GALNT17: variants seen among roughly 807,000 people sequenced by gnomAD.
GALNT17 encodes the protein polypeptide N-acetylgalactosaminyltransferase 17, also known as UDP-GalNAc:polypeptide N-acetylgalactosaminyltransferase-like 3.
In GALNT17, 29 loss-of-function variants were observed where a neutral mutation model predicts 63.7. The ratio of observed to expected loss-of-function variants is 0.46; its 90% CI spans 0.34 to 0.62. The LOEUF (loss-of-function observed/expected upper bound fraction) is 0.62, where lower values mean the gene tolerates loss of function less well. Among genes scored for constraint, GALNT17 ranks in the 20% least tolerant of loss-of-function variants. The probability of loss-of-function intolerance (pLI) is 0.01; values close to 1 mark genes in which losing one functional copy is unlikely to be tolerated. For missense variants in GALNT17, 603 were observed against 799.6 expected (o/e 0.75, Z 2.97); for synonymous variants, 305 against 318.3 (o/e 0.96, Z 0.45).
Position 71,388,356 on chromosome 7 carries a change from C to T in GALNT17, c.544C>T (p.His182Tyr). Residue 182 changes from histidine (H) to tyrosine (Y), a missense_variant, in exon 3 of 11, where the codon CAC (histidine) becomes TAC (tyrosine). Coordinates refer to ENST00000333538, the MANE Select transcript of GALNT17 (RefSeq NM_022479.3). Reference protein sequence around the residue: ...VHSAVNHTPTHLLKEIILVDD... With the variant: ...VHSAVNHTPTYLLKEIILVDD... The stretch of plus-strand genomic sequence containing the variant: ...CAGTGCCGTCAATCACACGCCCACA[C>T]ACCTGCTGAAGGAAATCATTCTGGT... The T allele has an allele frequency of 6.2e-7, 1 of 1,614,018 alleles. No individual in the cohort carries two copies. Among genetic ancestry groups the T allele is most frequent in the Non-Finnish European group, 8.5e-7 (1 of 1,179,984 alleles).
intron 5 of GALNT17, among the ~76,000 whole-genome samples, chr7:71,453,909 C>T (rs762643958): frequency 4.6e-5 from 7 of 152,084 alleles, no homozygotes; most frequent in Non-Finnish European, 1.0e-4. Context: ...CATTCCAGCT[C>T]CCAAATGGGC....
chr7:71,583,800 G>C (rs921201220), intron 6 of GALNT17, among the ~76,000 whole-genome samples: 1 of 151,404 alleles, frequency 6.6e-6, no homozygotes, highest in African/African-American at 2.4e-5. Context: ...CCTTCCAAAC[G>C]ATGTCCAGGA....
intron 1 of GALNT17, among the ~76,000 whole-genome samples, chr7:71,263,961 C>G (rs1357231706): frequency 6.6e-6 from 1 of 152,098 alleles, no homozygotes; most frequent in Non-Finnish European, 1.5e-5. Flanking sequence ...TCTGATGTTT[C>G]CATGTGTGGG....
At chr7:71,160,213 C>G (rs1788316657) in intron 1 of GALNT17, among the ~76,000 whole-genome samples, 1 of 152,160 alleles carries the variant, frequency 6.6e-6, no homozygotes, top group South Asian at 2.1e-4. Flanking sequence ...TTTATCCTGT[C>G]AACATTTTTA....
intron 1 of GALNT17, among the ~76,000 whole-genome samples, chr7:71,277,816 T>C (rs1790709412): frequency 6.6e-6 from 1 of 152,192 alleles, no homozygotes; most frequent in South Asian, 2.1e-4. Context: ...ATCTGTGCCC[T>C]CCTTTTTCAT....
At chr7:71,397,699 T>C (rs1793163518) in intron 3 of GALNT17, among the ~76,000 whole-genome samples, 1 of 152,216 alleles carries the variant, frequency 6.6e-6, no homozygotes. Context: ...CACTGTCTTC[T>C]TGTGGACTCT....
At chr7:71,397,045 T>C (rs59937756) in intron 3 of GALNT17, among the ~76,000 whole-genome samples, 18,347 of 152,064 alleles carry the variant, frequency 0.12, 2,462 homozygotes, top group African/African-American at 0.34. Flanking sequence ...TATAGAATAT[T>C]GTGTTATCTT....
intron 1 of GALNT17, among the ~76,000 whole-genome samples, chr7:71,167,035 T>TGG (rs1254403115): frequency 6.7e-6 from 1 of 149,530 alleles, no homozygotes; most frequent in African/African-American, 2.5e-5. Context: ...CAACCATGCC[T>TGG]GGCTAAGTAC....
At chr7:71,228,153 G>T (rs1336632718) in intron 1 of GALNT17, among the ~76,000 whole-genome samples, 1 of 152,098 alleles carries the variant, frequency 6.6e-6, no homozygotes, top group Non-Finnish European at 1.5e-5. Context: ...GGAGGCCAGG[G>T]TGGGAAGGGG....
chr7:71,665,406 C>G lies in GALNT17; in HGVS notation c.1081-5C>G. On this transcript the variant is annotated splice_region_variant and splice_polypyrimidine_tract_variant and intron_variant, in intron 6 of 10. Transcript: ENST00000333538. ...TTCAGGCTGATGAAATCTTTGTACC[C>G]CTAGGTATGGCTCTGTGGGGGCAGC... is the stretch of plus-strand genomic sequence containing the variant. The G allele has an allele frequency of 1.2e-6, 2 of 1,601,928 alleles. No individual in the cohort carries two copies. The highest frequency in any genetic ancestry group is 2.2e-4 in the Middle Eastern group (1 of 4,488).
At chr7:71,699,171 C>CAAAAAAAAA (rs59124269) in intron 9 of GALNT17, among the ~76,000 whole-genome samples, 2 of 77,320 alleles carry the variant, frequency 2.6e-5, no homozygotes, top group Admixed American at 2.1e-4. Flanking sequence ...GACTCCATCT[C>CAAAAAAAAA]AAAAAAAAAA....
intron 1 of GALNT17, among the ~76,000 whole-genome samples, chr7:71,212,313 G>T (rs1789396055): frequency 6.6e-6 from 1 of 152,240 alleles, no homozygotes; most frequent in Non-Finnish European, 1.5e-5. Flanking sequence ...AGGGTGCACA[G>T]AAGTCAAGAA....
At chr7:71,562,304 C>T (rs749350462) in intron 5 of GALNT17, among the ~76,000 whole-genome samples, 1 of 152,172 alleles carries the variant, frequency 6.6e-6, no homozygotes, top group African/African-American at 2.4e-5. Flanking sequence ...CTCTCCACCA[C>T]TGGAGCCTGC....
chr7:71,152,707 A>G (rs1046003733), intron 1 of GALNT17, among the ~76,000 whole-genome samples: 1 of 151,818 alleles, frequency 6.6e-6, no homozygotes, highest in Non-Finnish European at 1.5e-5. Context: ...ATCTCTGCTC[A>G]GGGCAACCTC....
At chr7:71,377,777 AGT>A (rs767019709) in intron 2 of GALNT17, among the ~76,000 whole-genome samples, 18 of 152,048 alleles carry the variant, frequency 1.2e-4, no homozygotes, top group Non-Finnish European at 2.5e-4. Context: ...CTTGTGATAT[AGT>A]GTGTGAGTTC....
chr7:71,139,697 AAG>A (rs1365825870), intron 1 of GALNT17, among the ~76,000 whole-genome samples: 1 of 152,066 alleles, frequency 6.6e-6, no homozygotes, highest in African/African-American at 2.4e-5. Context: ...TGGAGTCAGA[AAG>A]AGAGGAATGG....
At chr7:71,694,311 C>A (rs112454774) in intron 9 of GALNT17, among the ~76,000 whole-genome samples, 2,143 of 151,752 alleles carry the variant, frequency 0.014, 58 homozygotes, top group African/African-American at 0.049. Context: ...AGAGTCAAAC[C>A]GTATCAATCT....
At chr7:71,568,125 G>A (rs1402459068) in intron 5 of GALNT17, among the ~76,000 whole-genome samples, 2 of 152,200 alleles carry the variant, frequency 1.3e-5, no homozygotes, top group African/African-American at 4.8e-5. Flanking sequence ...CCTTAACGGT[G>A]TTTCTGGCCT....
intron 3 of GALNT17, among the ~76,000 whole-genome samples, chr7:71,406,836 C>A (rs1426805352): frequency 6.6e-6 from 1 of 151,862 alleles, no homozygotes; most frequent in Non-Finnish European, 1.5e-5. Context: ...GCTGGGCTCC[C>A]ACTTCAGCTT....
Sources: gnomAD v4.1 joint callset for allele counts (sites outside exome capture counted in the v4.1 genomes callset) on GRCh38, gnomAD v4.1.1 for gene constraint, MANE v1.5 for transcripts, NCBI Gene and HGNC (gene_info 2026-07-23, HGNC 2026-07-21) for gene names.